Variants in ZYG11B observed in about 807,000 individuals in gnomAD.
The protein encoded by ZYG11B is protein zyg-11 homolog B.
Under a neutral mutation model 82.4 loss-of-function variants are expected in ZYG11B, and 36 were observed. That is an observed-to-expected ratio of 0.44 (90% CI 0.33 to 0.58). The LOEUF (loss-of-function observed/expected upper bound fraction) is 0.58, where lower values mean the gene tolerates loss of function less well. Among genes scored for constraint, ZYG11B ranks in the 20% least tolerant of loss-of-function variants. The pLI is 0.02. For missense variants in ZYG11B, 552 were observed against 895.6 expected, an observed-to-expected ratio of 0.62 and a Z score of 4.90; for synonymous variants, 303 against 312.8, an observed-to-expected ratio of 0.97 and a Z score of 0.33.
intron 9 of ZYG11B, 30 bp from the exon 10 acceptor site, chr1:52,802,062 G>A (rs1645079556): frequency 3.8e-6 from 6 of 1,587,740 alleles, no homozygotes; most frequent in Admixed American, 3.7e-5. Context: ...GGTTCTTCAG[G>A]TAATTATAGG....
chr1:52,730,858 TAGAA>T (rs756369499), intron 1 of ZYG11B, among the ~76,000 whole-genome samples: 11 of 125,112 alleles, frequency 8.8e-5, no homozygotes, highest in Middle Eastern at 5.2e-3. Context: ...AAAAAAAAAA[TAGAA>T]AGGAAAGAAA....
At chr1:52,753,895 C>T (rs1644548242) in intron 1 of ZYG11B, among the ~76,000 whole-genome samples, 1 of 152,130 alleles carries the variant, frequency 6.6e-6, no homozygotes, top group Non-Finnish European at 1.5e-5. Context: ...TGTGCCTGGT[C>T]ACTTTTTGTA....
At chr1:52,809,508 C>G (rs1645166562) in intron 10 of ZYG11B, among the ~76,000 whole-genome samples, 1 of 152,094 alleles carries the variant, frequency 6.6e-6, no homozygotes, top group South Asian at 2.1e-4. Context: ...TTTTAAGACT[C>G]TACTTTGAAT....
At chr1:52,789,499 A>G (rs957944465) in intron 5 of ZYG11B, among the ~76,000 whole-genome samples, 6 of 152,162 alleles carry the variant, frequency 3.9e-5, no homozygotes, top group South Asian at 2.1e-4. Context: ...TTAATTATTC[A>G]TATTTTCATT....
intron 2 of ZYG11B, among the ~76,000 whole-genome samples, chr1:52,768,237 T>C (rs544082203): frequency 7.9e-5 from 12 of 152,246 alleles, no homozygotes; most frequent in African/African-American, 2.6e-4. Flanking sequence ...TCTGTGCCCA[T>C]TGGTGTTTCC....
chr1:52,762,982 G>GGC (rs1644647147), intron 2 of ZYG11B, among the ~76,000 whole-genome samples: 1 of 141,458 alleles, frequency 7.1e-6, no homozygotes, highest in African/African-American at 2.5e-5. Context: ...AGATTGGGGG[G>GGC]GGGGGGTCTA....
Position 52,821,728 on chromosome 1 carries a change from CAAGA to C in ZYG11B, c.*100_*103del. ...CCTGATGTTTTGGGGGTTTCTATGA[CAAGA>C]GTCATAAAATCAGTTTGGGATTGAT... On this transcript the variant is annotated 3_prime_UTR_variant, in exon 14 of 14. Transcript: ENST00000294353. The C allele has an allele frequency of 2.6e-6, 3 of 1,155,606 alleles. No homozygotes were observed. Among genetic ancestry groups the C allele is most frequent in the Non-Finnish European group, 3.6e-6 (3 of 823,188 alleles). 71.6% of individuals were successfully genotyped at this position (1,155,606 alleles called of 1,614,324 possible).
In ZYG11B at chr1:52,799,997, T is replaced by A. The variant is rs572488040; in HGVS notation, c.1486-1822T>A. Among the ~76,000 whole-genome samples the A allele has an allele frequency of 7.2e-5, 11 of 151,818 alleles. No individual in the cohort carries two copies. In the South Asian group the frequency reaches 2.1e-3, roughly 29 times the overall value. On this transcript the variant is annotated intron_variant, in intron 8 of 13. Coordinates refer to ENST00000294353, the MANE Select transcript of ZYG11B (RefSeq NM_024646.3). ...TAATACAGTTATTATGAAGATTAAA[T>A]GAAAAGAAAAGCTCATGCTTGTAAT...
At chr1:52,788,046 T>C (rs1328831815) in intron 5 of ZYG11B, among the ~76,000 whole-genome samples, 1 of 152,142 alleles carries the variant, frequency 6.6e-6, no homozygotes, top group East Asian at 1.9e-4. Flanking sequence ...GACCTATGCC[T>C]ACATATATTT....
intron 2 of ZYG11B, among the ~76,000 whole-genome samples, chr1:52,763,326 G>A (rs571986340): frequency 6.6e-6 from 1 of 152,200 alleles, no homozygotes; most frequent in East Asian, 1.9e-4. Context: ...TTCTATTTCT[G>A]TGAAAAAGTC....
intron 10 of ZYG11B, among the ~76,000 whole-genome samples, chr1:52,807,043 A>G (rs1161059982): frequency 6.6e-6 from 1 of 151,612 alleles, no homozygotes; most frequent in East Asian, 2.0e-4. Flanking sequence ...AAATTTTTGT[A>G]TTTTTAGTAG....
At chr1:52,802,340 CTTTTTTTTTTTT>C (rs397980205) in intron 10 of ZYG11B, among the ~76,000 whole-genome samples, 15 of 78,074 alleles carry the variant, frequency 1.9e-4, no homozygotes, top group Admixed American at 7.3e-4. Context: ...TTCTTTCTCT[CTTTTTTTTTTTT>C]TTTTTTTTTT....
chr1:52,726,928 A>G (rs1644289291), intron 1 of ZYG11B, among the ~76,000 whole-genome samples: 1 of 149,510 alleles, frequency 6.7e-6, no homozygotes, highest in Admixed American at 6.7e-5. Flanking sequence ...CCTTTTTATC[A>G]CCCCCAGTGA....
chr1:52,796,199 A>G, intron 6 of ZYG11B, 93 bp from the exon 7 acceptor site: 1 of 858,566 alleles, frequency 1.2e-6, no homozygotes, highest in Non-Finnish European at 1.9e-6. Flanking sequence ...GCCTTTTCAT[A>G]TATTTAAGTT....
chr1:52,777,802 T>A (rs543092124), intron 3 of ZYG11B, among the ~76,000 whole-genome samples: 11 of 152,338 alleles, frequency 7.2e-5, no homozygotes, highest in African/African-American at 2.4e-4. Flanking sequence ...AATATTTGAT[T>A]ACTTTTGTGT....
At position 52,821,587 on chromosome 1, in the gene ZYG11B, G is replaced by C. The variant is rs780034234; in HGVS notation, c.2193G>C (p.Arg731Ser). 5 of 1,613,840 alleles carry C rather than the reference G, an allele frequency of 3.1e-6. No homozygotes were observed. The highest frequency in any genetic ancestry group is 3.4e-6 in the Non-Finnish European group (4 of 1,179,902). ...SLEKHIVRHG[R>S]PPPCKKQPQA... ...AAAAACACATTGTGCGCCATGGGAG[G>C]CCACCTCCCTGTAAAAAACAGCCCC... Residue 731 changes from arginine to serine, a missense_variant, in exon 14 of 14, where the codon AGG becomes AGC. Arg to Ser is a moderately radical substitution (Grantham distance 110). This residue lies in a region of ZYG11B where 127 missense variants were observed against 163.4 expected (regional missense o/e 0.78). Coordinates refer to ENST00000294353, the MANE Select transcript of ZYG11B (RefSeq NM_024646.3).
chr1:52,746,102 C>T (rs946121285), intron 1 of ZYG11B, among the ~76,000 whole-genome samples: 8 of 151,970 alleles, frequency 5.3e-5, no homozygotes, highest in African/African-American at 9.7e-5. Flanking sequence ...CAACTACAGG[C>T]GCGTGCCACC....
rs139386743 is a variant in ZYG11B at position 52,807,308 on chromosome 1, A to G, written c.1695+5169A>G. The stretch of plus-strand genomic sequence containing the variant: ...TGAGGCACCATCCCAGCCCAATGTG[A>G]TGTTGTGATGTGTTTAATCACTGTG... On this transcript the variant is annotated intron_variant, in intron 10 of 13. Coordinates refer to ENST00000294353, the MANE Select transcript of ZYG11B (RefSeq NM_024646.3). Among the ~76,000 whole-genome samples the G allele has an allele frequency of 1.3e-3, 199 of 150,674 alleles. 2 individuals are homozygous for G. The highest frequency in any genetic ancestry group is 4.6e-3 in the African/African-American group (186 of 40,388).
chr1:52,785,327 A>C (rs1644904292), intron 5 of ZYG11B, among the ~76,000 whole-genome samples: 1 of 152,226 alleles, frequency 6.6e-6, no homozygotes, highest in Admixed American at 6.5e-5. Context: ...ATAGGCACAG[A>C]GGATCTGTTC....
Sources: allele counts gnomAD v4.1 joint callset (sites outside exome capture counted in the v4.1 genomes callset), GRCh38; gene constraint gnomAD v4.1.1; regional missense constraint gnomAD v4.1.1; transcripts MANE v1.5; gene names NCBI Gene and HGNC (gene_info 2026-07-23, HGNC 2026-07-21).